Variants in CDH12 observed in about 807,000 individuals in gnomAD.
The protein encoded by CDH12 is cadherin 12.
In CDH12, 41 loss-of-function variants were observed where a neutral mutation model predicts 74.1. That is an observed-to-expected ratio of 0.55 (90% CI 0.43 to 0.72). The LOEUF (loss-of-function observed/expected upper bound fraction) is 0.72, where lower values mean the gene tolerates loss of function less well. Ranked by LOEUF, CDH12 falls within the 30% of genes least tolerant of loss-of-function variation. CDH12 has a pLI of 0.00. For missense variants in CDH12, 945 were observed against 977.2 expected, an observed-to-expected ratio of 0.97 and a Z score of 0.44; for synonymous variants, 399 against 355.0, an observed-to-expected ratio of 1.12 and a Z score of -1.39.
intron 9 of CDH12, among the ~76,000 whole-genome samples, chr5:21,810,369 A>G (rs552877957): frequency 6.6e-6 from 1 of 152,214 alleles, no homozygotes; most frequent in South Asian, 2.1e-4. Flanking sequence ...TAGGTGGAGA[A>G]AGGAAAATTT....
At chr5:21,805,147 T>A (rs1402843821) in intron 9 of CDH12, among the ~76,000 whole-genome samples, 1 of 152,146 alleles carries the variant, frequency 6.6e-6, no homozygotes, top group African/African-American at 2.4e-5. Context: ...AATTAACTTC[T>A]ATCTTAGAAT....
At chr5:21,905,137 C>G (rs140494942) in intron 6 of CDH12, among the ~76,000 whole-genome samples, 160 of 152,172 alleles carry the variant, frequency 1.1e-3, no homozygotes, top group African/African-American at 3.6e-3. Flanking sequence ...AAGTGGGTGC[C>G]GTAGAGCACA....
chr5:21,854,641 T>A (rs1046747456), intron 7 of CDH12, 30 bp downstream of exon 7: 16 of 1,568,614 alleles, frequency 1.0e-5, no homozygotes, highest in Non-Finnish European at 9.6e-6. Context: ...GAAGGGCTGG[T>A]GATAATGTTG....
At chr5:22,202,710 C>CT (rs1750994098) in intron 4 of CDH12, among the ~76,000 whole-genome samples, 3 of 152,132 alleles carry the variant, frequency 2.0e-5, no homozygotes, top group African/African-American at 7.2e-5. Flanking sequence ...TTCCTGAACT[C>CT]TGAAACTGAA....
rs1350375169 is a variant in CDH12 at position 22,078,790 on chromosome 5, C to A, written c.-114G>T. On this transcript the variant is annotated 5_prime_UTR_variant, in exon 5 of 15. Coordinates refer to ENST00000382254, the MANE Select transcript of CDH12 (RefSeq NM_004061.5). ...CACCACTTAGCTTCTTGTTTTATTG[C>A]AGAAATGATGATGCAGGCATTAATC... The A allele has an allele frequency of 1.6e-5, 23 of 1,474,794 alleles. No homozygotes were observed. The highest frequency in any genetic ancestry group is 2.1e-5 in the Non-Finnish European group (23 of 1,118,648). 91.4% of individuals were successfully genotyped at this position (1,474,794 alleles called of 1,614,324 possible).
At chr5:22,787,138 C>CCA (rs147255137) in intron 1 of CDH12, among the ~76,000 whole-genome samples, 2,207 of 148,726 alleles carry the variant, frequency 0.015, 26 homozygotes, top group Non-Finnish European at 0.02. Flanking sequence ...CACACACACA[C>CCA]CACACACACA....
rs540384053 is a variant in CDH12, at chr5:22,238,252, C to T, written c.-332-25609G>A. Among the ~76,000 whole-genome samples the T allele has an allele frequency of 3.9e-5, 6 of 152,282 alleles. No individual in the cohort carries two copies. In the South Asian group the frequency reaches 1.0e-3, roughly 26 times the overall value. On this transcript the variant is annotated intron_variant, in intron 3 of 14. Coordinates refer to ENST00000382254, the MANE Select transcript of CDH12 (RefSeq NM_004061.5). ...TGTGTTTAACAGTAGGCAAACATTG[C>T]CATTTATCACCTCTATGGCATTTCC... is the stretch of plus-strand genomic sequence containing the variant.
intron 3 of CDH12, among the ~76,000 whole-genome samples, chr5:22,316,917 C>T (rs2968384): frequency 0.54 from 81,865 of 151,842 alleles, 22,482 homozygotes; most frequent in Non-Finnish European, 0.6. Flanking sequence ...TGGCTTTACT[C>T]TAAGATCATG....
intron 2 of CDH12, among the ~76,000 whole-genome samples, chr5:22,420,631 C>G (rs1297316772): frequency 2.6e-5 from 4 of 151,882 alleles, no homozygotes; most frequent in Admixed American, 2.6e-4. Context: ...TTTCTTTTTC[C>G]TTAAGATTGT....
chr5:21,783,275 A>G (rs970063329), intron 11 of CDH12, 83 bp downstream of exon 11: 9 of 1,268,514 alleles, frequency 7.1e-6, no homozygotes, highest in Non-Finnish European at 9.9e-6. Context: ...CAAAAATGAA[A>G]AACATCTCAG....
At chr5:22,059,928 C>T (rs1278536783) in intron 5 of CDH12, among the ~76,000 whole-genome samples, 1 of 152,044 alleles carries the variant, frequency 6.6e-6, no homozygotes, top group Non-Finnish European at 1.5e-5. Context: ...TGAGAGACAA[C>T]TTATCTTCTA....
At chr5:22,646,363 TG>T (rs1739432174) in intron 1 of CDH12, among the ~76,000 whole-genome samples, 1 of 151,780 alleles carries the variant, frequency 6.6e-6, no homozygotes, top group Non-Finnish European at 1.5e-5. Flanking sequence ...AATTAAATGG[TG>T]GATCAGCACT....
At position 21,899,076 on chromosome 5, in the gene CDH12, G is replaced by T. The variant is rs375392719; in HGVS notation, c.527-44286C>A. On this transcript the variant is annotated intron_variant, in intron 6 of 14. Transcript: ENST00000382254. ...TTACTCTCCTTCCCACCTGGGGGTT[G>T]TTCCCTCCTACCTTTTCTGTATTTG... Among the ~76,000 whole-genome samples, 190 of 152,246 alleles carry T rather than the reference G, an allele frequency of 1.2e-3. 2 individuals are homozygous for T. Among genetic ancestry groups the T allele is most frequent in the African/African-American group, 4.0e-3 (166 of 41,546 alleles).
At chr5:22,152,898 G>A (rs1212425476) in intron 4 of CDH12, among the ~76,000 whole-genome samples, 1 of 152,004 alleles carries the variant, frequency 6.6e-6, no homozygotes, top group African/African-American at 2.4e-5. Flanking sequence ...TTCACTTAAC[G>A]TAACGTCCTC....
chr5:22,023,557 T>TTC (rs1738140139), intron 5 of CDH12, among the ~76,000 whole-genome samples: 1 of 151,576 alleles, frequency 6.6e-6, no homozygotes, highest in Non-Finnish European at 1.5e-5. Flanking sequence ...TATATATATA[T>TTC]ACACACGAAT....
At chr5:22,155,111 T>C in intron 4 of CDH12, among the ~76,000 whole-genome samples, 1 of 152,152 alleles carries the variant, frequency 6.6e-6, no homozygotes. Context: ...ATTGAATCCA[T>C]ATCACACCTC....
intron 8 of CDH12, among the ~76,000 whole-genome samples, chr5:21,817,342 A>G (rs1748115759): frequency 6.6e-6 from 1 of 152,142 alleles, no homozygotes; most frequent in Non-Finnish European, 1.5e-5. Flanking sequence ...CTAGAATTTT[A>G]ACTGGGCATT....
Position 21,975,377 on chromosome 5 carries a change from G to A in CDH12, c.240C>T (p.Ser80=), listed in dbSNP as rs759692467. The A allele has an allele frequency of 3.0e-5, 48 of 1,588,504 alleles. No homozygotes were observed. The highest frequency in any genetic ancestry group is 4.5e-5 in the East Asian group (2 of 44,764). Residue 80 remains serine (S), a synonymous_variant, in exon 6 of 15, where the codon TCC becomes TCT. Coordinates refer to ENST00000382254, the MANE Select transcript of CDH12 (RefSeq NM_004061.5). ...SEPQYVGKLH[S]DLDKGEGTVK... is the part of the protein sequence containing the mutation. ...CAGTGCCCTCTCCCTTGTCTAAGTC[G>A]GAATGGAGCTTTAGGGAAGAGAAGG... is the stretch of plus-strand genomic sequence containing the variant.
At chr5:22,529,460 A>T (rs1407269189) in intron 1 of CDH12, among the ~76,000 whole-genome samples, 3 of 152,036 alleles carry the variant, frequency 2.0e-5, no homozygotes, top group Non-Finnish European at 4.4e-5. Context: ...CAGGAAAAAA[A>T]ACAATGTCCC....
Sources: gnomAD v4.1 joint callset for allele counts (sites outside exome capture counted in the v4.1 genomes callset) on GRCh38, gnomAD v4.1.1 for gene constraint, MANE v1.5 for transcripts, NCBI Gene and HGNC (gene_info 2026-07-23, HGNC 2026-07-21) for gene names.